CCDC148: variants seen among roughly 807,000 people sequenced by gnomAD.
The protein encoded by CCDC148 is coiled-coil domain-containing protein 148.
In CCDC148, 89 loss-of-function variants were observed where a neutral mutation model predicts 85.7. The observed-to-expected ratio is 1.04, with a 90% CI of 0.87 to 1.24. CCDC148 has a LOEUF of 1.24. Ranked by LOEUF, CCDC148 falls within the 50% of genes most tolerant of loss-of-function variation. The pLI is 0.00. For synonymous variants in CCDC148, 230 were observed against 213.9 expected (o/e 1.08, Z -0.66); for missense variants, 692 against 671.7 (o/e 1.03, Z -0.33).
At chr2:158,289,513 T>C (rs929719724) in intron 9 of CCDC148, among the ~76,000 whole-genome samples, 2 of 152,152 alleles carry the variant, frequency 1.3e-5, no homozygotes, top group Non-Finnish European at 2.9e-5. Context: ...AACTGCAAGT[T>C]AAAACTACAA....
chr2:158,358,319 C>T, intron 2 of CCDC148, 130 bp downstream of exon 2: 2 of 1,057,514 alleles, frequency 1.9e-6, no homozygotes, highest in Non-Finnish European at 2.7e-6. Context: ...CTGCTATTCA[C>T]TATTATTTCT....
chr2:158,175,248 T>C (rs866087435), intron 13 of CCDC148, among the ~76,000 whole-genome samples: 1 of 152,042 alleles, frequency 6.6e-6, no homozygotes, highest in Non-Finnish European at 1.5e-5. Context: ...GCCTCAGCTA[T>C]TCTCCCCACT....
chr2:158,297,212 C>T (rs543778267), intron 9 of CCDC148, among the ~76,000 whole-genome samples: 331 of 152,252 alleles, frequency 2.2e-3, no homozygotes, highest in African/African-American at 7.2e-3. Flanking sequence ...GTTGTTTTTT[C>T]TTGTCTAATC....
At chr2:158,210,176 A>T (rs1238959791) in intron 11 of CCDC148, among the ~76,000 whole-genome samples, 2 of 152,198 alleles carry the variant, frequency 1.3e-5, no homozygotes, top group Non-Finnish European at 2.9e-5. Context: ...TCTCTGATAA[A>T]ATAGACTTTA....
chr2:158,304,845 T>A (rs1437166889), intron 9 of CCDC148, among the ~76,000 whole-genome samples: 1 of 152,122 alleles, frequency 6.6e-6, no homozygotes, highest in African/African-American at 2.4e-5. Flanking sequence ...GCAGAGCACC[T>A]GGGGAGATGA....
chr2:158,309,351 C>T, intron 9 of CCDC148, 82 bp downstream of exon 9: 1 of 1,194,138 alleles, frequency 8.4e-7, no homozygotes, highest in Non-Finnish European at 1.2e-6. Context: ...AGAAACTGAA[C>T]TTTAGGTTGA....
intron 1 of CCDC148, among the ~76,000 whole-genome samples, chr2:158,437,697 T>G (rs1189607945): frequency 6.6e-6 from 1 of 152,240 alleles, no homozygotes; most frequent in Non-Finnish European, 1.5e-5. Flanking sequence ...TGTCCCTGTT[T>G]GCAGATGACA....
At position 158,394,722 on chromosome 2, in the gene CCDC148, T is replaced by C. The variant is rs916038425; in HGVS notation, c.26-36152A>G. On this transcript the variant is annotated intron_variant, in intron 1 of 13. Transcript: ENST00000283233. ...TCGGCCCCTCCTCTGTTCCCTTTCATGAGCCTCATACCCTCAATAGGGCCT... is the reference window on the plus strand; with the variant it reads ...TCGGCCCCTCCTCTGTTCCCTTTCACGAGCCTCATACCCTCAATAGGGCCT... Among the ~76,000 whole-genome samples the C allele has an allele frequency of 2.6e-5, 4 of 152,024 alleles. No homozygotes were observed. The South Asian group carries it at 8.3e-4, about 31-fold the overall frequency.
intron 7 of CCDC148, among the ~76,000 whole-genome samples, chr2:158,325,932 C>A (rs1226210955): frequency 1.3e-5 from 2 of 152,096 alleles, no homozygotes; most frequent in South Asian, 2.1e-4. Flanking sequence ...ACTTCTACCC[C>A]CCAGCCCCAC....
chr2:158,250,948 T>C, intron 9 of CCDC148, 36 bp from the exon 10 acceptor site: 1 of 1,573,628 alleles, frequency 6.4e-7, no homozygotes, highest in East Asian at 2.2e-5. Context: ...CCAGTAACTA[T>C]GCACACTGAA....
intron 11 of CCDC148, among the ~76,000 whole-genome samples, chr2:158,208,210 C>T (rs1046826231): frequency 3.3e-5 from 5 of 151,990 alleles, no homozygotes; most frequent in African/African-American, 9.7e-5. Context: ...GGGAATGAAG[C>T]GAGTACATTT....
Position 158,374,739 on chromosome 2 carries a change from T to A in CCDC148, c.26-16169A>T, listed in dbSNP as rs191376955. Among the ~76,000 whole-genome samples the A allele has an allele frequency of 1.0e-3, 152 of 152,000 alleles. 1 individual carries two copies. Among genetic ancestry groups the A allele is most frequent in the African/African-American group, 3.4e-3 (142 of 41,510 alleles). ...TATATGTAATTAAAAGTAATCAACATAGCCCCAAAAGGTCCTATTACTACA... is the reference window on the plus strand; with the variant it reads ...TATATGTAATTAAAAGTAATCAACAAAGCCCCAAAAGGTCCTATTACTACA... On this transcript the variant is annotated intron_variant, in intron 1 of 13. Transcript: ENST00000283233.
chr2:158,305,898 G>A (rs565619937), intron 9 of CCDC148, among the ~76,000 whole-genome samples: 14 of 152,068 alleles, frequency 9.2e-5, no homozygotes, highest in South Asian at 4.2e-4. Flanking sequence ...AAACTGTAAC[G>A]TAGCCATGTC....
At chr2:158,192,972 A>G (rs1685493568) in intron 11 of CCDC148, among the ~76,000 whole-genome samples, 1 of 152,034 alleles carries the variant, frequency 6.6e-6, no homozygotes, top group African/African-American at 2.4e-5. Flanking sequence ...AAGGCAACTC[A>G]CATTTTCTCT....
chr2:158,228,907 T>A (rs959902914), intron 10 of CCDC148, among the ~76,000 whole-genome samples: 3 of 149,074 alleles, frequency 2.0e-5, no homozygotes, highest in Non-Finnish European at 4.4e-5. Context: ...CATGTATACA[T>A]ATGTAACTAA....
intron 1 of CCDC148, among the ~76,000 whole-genome samples, chr2:158,431,227 T>A (rs1349683848): frequency 1.3e-5 from 2 of 151,842 alleles, no homozygotes; most frequent in African/African-American, 4.8e-5. Flanking sequence ...GATTGAAGAA[T>A]ACCAATGAAC....
intron 1 of CCDC148, among the ~76,000 whole-genome samples, chr2:158,420,465 T>G (rs1304127777): frequency 2.0e-5 from 3 of 152,102 alleles, no homozygotes; most frequent in South Asian, 2.1e-4. Context: ...CTTCAACCCA[T>G]AATTTCATAT....
At chr2:158,315,892 C>A (rs1323855673) in intron 7 of CCDC148, among the ~76,000 whole-genome samples, 2 of 152,196 alleles carry the variant, frequency 1.3e-5, no homozygotes, top group African/African-American at 4.8e-5. Flanking sequence ...CTCTATGATA[C>A]CTTTGCACTC....
intron 13 of CCDC148, among the ~76,000 whole-genome samples, chr2:158,175,325 C>T (rs1271079650): frequency 1.3e-5 from 1 of 79,150 alleles, no homozygotes; most frequent in Admixed American, 1.6e-4. Context: ...TGTATCCTCC[C>T]CCACAACCTA....
Sources: gnomAD v4.1 joint callset for allele counts (sites outside exome capture counted in the v4.1 genomes callset) on GRCh38, gnomAD v4.1.1 for gene constraint, MANE v1.5 for transcripts, NCBI Gene and HGNC (gene_info 2026-07-23, HGNC 2026-07-21) for gene names.